SRRM4: variants seen among roughly 807,000 people sequenced by gnomAD.
SRRM4 encodes the protein serine/arginine repetitive matrix protein 4.
SRRM4 carries 33 observed loss-of-function variants against 68.9 expected under a neutral mutation model. The observed-to-expected ratio is 0.48, with a 90% CI of 0.36 to 0.64. The LOEUF (loss-of-function observed/expected upper bound fraction) is 0.64, where lower values mean the gene tolerates loss of function less well. SRRM4 is among the 30% of genes least tolerant of loss of function. The pLI is 0.00. For missense variants in SRRM4, 817 were observed against 827.1 expected (o/e 0.99, Z 0.15); for synonymous variants, 318 against 318.8 (o/e 1.00, Z 0.03).
intron 1 of SRRM4, among the ~76,000 whole-genome samples, chr12:119,079,065 G>A (rs1270518138): frequency 1.3e-5 from 2 of 152,228 alleles, no homozygotes; most frequent in Non-Finnish European, 2.9e-5. Context: ...AGCCAGGTGA[G>A]GGGGTGGTCC....
At chr12:119,145,706 C>T (rs776024883) in intron 9 of SRRM4, 21 bp downstream of exon 9, 25 of 1,476,118 alleles carry the variant, frequency 1.7e-5, no homozygotes, top group African/African-American at 2.9e-5. Flanking sequence ...CACACAGGGT[C>T]GGGGGTAGAC....
At chr12:119,057,975 T>A (rs2136020039) in intron 1 of SRRM4, among the ~76,000 whole-genome samples, 1 of 152,106 alleles carries the variant, frequency 6.6e-6, no homozygotes, top group African/African-American at 2.4e-5. Context: ...AGGAAGGACA[T>A]CTCCTGGAAA....
At chr12:119,017,544 AAG>A (rs1565890079) in intron 1 of SRRM4, among the ~76,000 whole-genome samples, 1 of 152,112 alleles carries the variant, frequency 6.6e-6, no homozygotes, top group South Asian at 2.1e-4. Flanking sequence ...GAGGCTGGGG[AAG>A]AGTGTAAGGG....
At chr12:119,095,439 G>A (rs1034650620) in intron 1 of SRRM4, among the ~76,000 whole-genome samples, 1 of 152,186 alleles carries the variant, frequency 6.6e-6, no homozygotes, top group African/African-American at 2.4e-5. Flanking sequence ...TCTCTGGAAG[G>A]AAGCAAGTAC....
At chr12:119,007,072 C>A (rs921048151) in intron 1 of SRRM4, among the ~76,000 whole-genome samples, 5 of 152,210 alleles carry the variant, frequency 3.3e-5, no homozygotes, top group Non-Finnish European at 7.4e-5. Context: ...CCAGCAGCCC[C>A]TTAGCAGCTG....
chr12:118,990,905 T>C (rs1035892110), intron 1 of SRRM4, among the ~76,000 whole-genome samples: 1 of 152,194 alleles, frequency 6.6e-6, no homozygotes, highest in Non-Finnish European at 1.5e-5. Flanking sequence ...CTGCAACCTC[T>C]GCCTCCCAGG....
At chr12:119,014,854 G>T (rs1953471502) in intron 1 of SRRM4, among the ~76,000 whole-genome samples, 1 of 152,152 alleles carries the variant, frequency 6.6e-6, no homozygotes, top group Non-Finnish European at 1.5e-5. Flanking sequence ...AAAGTACCCT[G>T]CAACCCAACT....
At chr12:119,051,933 C>T (rs1434157904) in intron 1 of SRRM4, among the ~76,000 whole-genome samples, 2 of 152,198 alleles carry the variant, frequency 1.3e-5, no homozygotes, top group Admixed American at 6.5e-5. Flanking sequence ...ACCTAGGTAA[C>T]CATGGGCAAG....
At chr12:119,143,615 A>C (rs1592915490) in intron 8 of SRRM4, among the ~76,000 whole-genome samples, 1 of 152,226 alleles carries the variant, frequency 6.6e-6, no homozygotes, top group East Asian at 1.9e-4. Context: ...ATCCAACACC[A>C]TGATGGGGCT....
intron 1 of SRRM4, among the ~76,000 whole-genome samples, chr12:119,027,609 C>T (rs903615021): frequency 6.6e-6 from 1 of 152,136 alleles, no homozygotes; most frequent in Admixed American, 6.5e-5. Flanking sequence ...TATGTTATAA[C>T]TGAGGTGAGA....
chr12:119,016,465 A>G (rs1357217960), intron 1 of SRRM4, among the ~76,000 whole-genome samples: 3 of 136,148 alleles, frequency 2.2e-5, no homozygotes, highest in African/African-American at 7.5e-5. Context: ...AAAAAAAAAA[A>G]AAAGAAAAAG....
chr12:119,036,383 C>G (rs960985069), intron 1 of SRRM4, among the ~76,000 whole-genome samples: 1 of 152,180 alleles, frequency 6.6e-6, no homozygotes, highest in African/African-American at 2.4e-5. Context: ...TGCTTCCAGG[C>G]CCATCGTTCT....
intron 1 of SRRM4, among the ~76,000 whole-genome samples, chr12:119,047,204 A>G (rs1953713078): frequency 6.6e-6 from 1 of 152,236 alleles, no homozygotes; most frequent in South Asian, 2.1e-4. Context: ...TTATAAGATG[A>G]TGAGCATAAA....
intron 1 of SRRM4, among the ~76,000 whole-genome samples, chr12:119,075,563 A>G (rs1425686890): frequency 1.3e-5 from 2 of 150,244 alleles, no homozygotes; most frequent in Non-Finnish European, 3.0e-5. Context: ...GATGATGGTG[A>G]TGATAATGGT....
intron 1 of SRRM4, among the ~76,000 whole-genome samples, chr12:118,983,035 A>G (rs1387160274): frequency 3.9e-5 from 6 of 152,042 alleles, no homozygotes; most frequent in Non-Finnish European, 7.4e-5. Context: ...GACCAGGGGG[A>G]CCACTTGGAG....
In SRRM4 at chr12:119,145,255, T is replaced by C. The variant is rs535361437; in HGVS notation, c.772-126T>C. The C allele has an allele frequency of 5.1e-5, 44 of 868,114 alleles. No individual in the cohort carries two copies. The African/African-American group carries it at 7.2e-4, about 14-fold the overall frequency. The allele number at this position is 868,114 out of a possible 1,614,324, so 53.8% of individuals were successfully genotyped here. ...TGCTTTTGTTTTTTGGCGTCTCTTC[T>C]TTCTTCTCCTCTCTCTCTCTTTCCT... On this transcript the variant is annotated intron_variant, in intron 8 of 12. Transcript: ENST00000267260.
At chr12:119,104,339 G>T (rs36035046) in intron 2 of SRRM4, among the ~76,000 whole-genome samples, 11,702 of 151,994 alleles carry the variant, frequency 0.077, 503 homozygotes, top group Admixed American at 0.1. Flanking sequence ...TAGAGCTGTT[G>T]TACTCTAGTG....
chr12:119,081,882 C>G (rs1953949820), intron 1 of SRRM4, among the ~76,000 whole-genome samples: 1 of 148,270 alleles, frequency 6.7e-6, no homozygotes, highest in South Asian at 2.1e-4. Flanking sequence ...ACCACCAGAA[C>G]AGCTAACAAG....
At chr12:119,152,674 T>C (rs1954447187) in intron 10 of SRRM4, among the ~76,000 whole-genome samples, 1 of 152,240 alleles carries the variant, frequency 6.6e-6, no homozygotes, top group Admixed American at 6.5e-5. Flanking sequence ...AGGTTTCATC[T>C]TGACTCTTTC....
Sources: gnomAD v4.1 joint callset for allele counts (sites outside exome capture counted in the v4.1 genomes callset) on GRCh38, gnomAD v4.1.1 for gene constraint, MANE v1.5 for transcripts, NCBI Gene and HGNC (gene_info 2026-07-23, HGNC 2026-07-21) for gene names.